SEZ6L: variants seen among roughly 807,000 people sequenced by gnomAD.
SEZ6L encodes the protein seizure 6-like protein.
A neutral mutation model predicts 106.2 loss-of-function variants in SEZ6L; 37 were observed. The ratio of observed to expected loss-of-function variants is 0.35; its 90% CI spans 0.27 to 0.46. The LOEUF is 0.46. Among genes scored for constraint, SEZ6L ranks in the 20% least tolerant of loss-of-function variants. The pLI, the probability that SEZ6L is intolerant of heterozygous loss-of-function variation, is 1.00. For synonymous variants in SEZ6L, 541 were observed against 570.4 expected (o/e 0.95, Z 0.73); for missense variants, 1,172 against 1,332.8 (o/e 0.88, Z 1.88).
At chr22:26,365,337 C>A (rs1210300906) in intron 12 of SEZ6L, 35 bp from the exon 13 acceptor site, 2 of 1,564,614 alleles carry the variant, frequency 1.3e-6, no homozygotes, top group Non-Finnish European at 1.7e-6. Flanking sequence ...AGATTTGCAT[C>A]ATCTCATCAG....
intron 1 of SEZ6L, among the ~76,000 whole-genome samples, chr22:26,191,548 A>G (rs1940211803): frequency 6.6e-6 from 1 of 150,564 alleles, no homozygotes; most frequent in Non-Finnish European, 1.5e-5. Flanking sequence ...GAACACATGG[A>G]CACATGGTGG....
At position 26,287,081 on chromosome 22, in the gene SEZ6L, T is replaced by C. The variant is rs569948303; in HGVS notation, c.95-5325T>C. 5.3e-5 allele frequency among the ~76,000 whole-genome samples: 8 copies of C among 149,990 alleles called. No homozygotes were observed. In the East Asian group the frequency reaches 1.6e-3, roughly 30 times the overall value. ...GCTTTTTTTTTTTTTTTCACTTTAATAGGATGTTCCCAGTCTAATCTCCCA... is the reference window on the plus strand; with the variant it reads ...GCTTTTTTTTTTTTTTTCACTTTAACAGGATGTTCCCAGTCTAATCTCCCA... On this transcript the variant is annotated intron_variant, in intron 1 of 16. Transcript: ENST00000248933.
chr22:26,303,086 A>T (rs189891873), intron 5 of SEZ6L, among the ~76,000 whole-genome samples: 26 of 152,284 alleles, frequency 1.7e-4, no homozygotes, highest in African/African-American at 6.0e-4. Context: ...TAAACATGTG[A>T]CTTGTCTTAG....
intron 1 of SEZ6L, 65 bp from the exon 2 acceptor site, chr22:26,292,341 G>A (rs976765064): frequency 1.0e-5 from 14 of 1,350,910 alleles, no homozygotes; most frequent in Non-Finnish European, 1.4e-5. Flanking sequence ...CACCCTCAGA[G>A]TCTGACAGCA....
chr22:26,345,793 C>T (rs1032293108), intron 10 of SEZ6L, among the ~76,000 whole-genome samples: 1 of 152,212 alleles, frequency 6.6e-6, no homozygotes, highest in Admixed American at 6.5e-5. Flanking sequence ...AATTAGCTTG[C>T]TCCTCCAAAT....
chr22:26,351,650 G>A (rs1242759195), intron 12 of SEZ6L, among the ~76,000 whole-genome samples: 1 of 152,028 alleles, frequency 6.6e-6, no homozygotes, highest in Non-Finnish European at 1.5e-5. Context: ...GGGTTCAAGC[G>A]ATTCTCATGC....
chr22:26,304,377 A>AAAGAAAG (rs1556332114), intron 5 of SEZ6L, among the ~76,000 whole-genome samples: 74 of 75,640 alleles, frequency 9.8e-4, no homozygotes, highest in Admixed American at 3.2e-3. Flanking sequence ...AAGAAGAAAG[A>AAAGAAAG]AAGAAAGAAA....
intron 11 of SEZ6L, among the ~76,000 whole-genome samples, chr22:26,350,731 A>C (rs947316047): frequency 7.0e-6 from 1 of 142,848 alleles, no homozygotes; most frequent in African/African-American, 2.7e-5. Flanking sequence ...ATCTCGGCTC[A>C]CTTCAAGCTC....
chr22:26,320,368 G>A (rs557496418), intron 9 of SEZ6L, among the ~76,000 whole-genome samples: 3 of 152,190 alleles, frequency 2.0e-5, no homozygotes, highest in African/African-American at 7.2e-5. Flanking sequence ...GCCAATAAGG[G>A]GGGGCATCGC....
At chr22:26,373,560 T>C (rs1430274928) in intron 14 of SEZ6L, 77 bp downstream of exon 14, 1 of 1,121,774 alleles carries the variant, frequency 8.9e-7, no homozygotes, top group Non-Finnish European at 1.3e-6. Flanking sequence ...TCTTTGAATA[T>C]CTTTATTTAG....
chr22:26,296,769 C>A (rs1463501333), intron 3 of SEZ6L, 119 bp from the exon 4 acceptor site: 2 of 804,228 alleles, frequency 2.5e-6, no homozygotes, highest in Non-Finnish European at 3.6e-6. Context: ...CCCAGGGGTC[C>A]CGTTGACCAG....
At chr22:26,225,910 G>C (rs1209181575) in intron 1 of SEZ6L, among the ~76,000 whole-genome samples, 1 of 152,198 alleles carries the variant, frequency 6.6e-6, no homozygotes, top group African/African-American at 2.4e-5. Flanking sequence ...CTGGCTTAGT[G>C]AACGATATCA....
chr22:26,251,127 A>G (rs1395467195), intron 1 of SEZ6L, among the ~76,000 whole-genome samples: 4 of 152,074 alleles, frequency 2.6e-5, no homozygotes, highest in South Asian at 2.1e-4. Flanking sequence ...TCCACTTTGG[A>G]TGTTCTTTCT....
At chr22:26,321,768 C>T (rs2082161549) in intron 9 of SEZ6L, among the ~76,000 whole-genome samples, 2 of 152,246 alleles carry the variant, frequency 1.3e-5, no homozygotes, top group Admixed American at 1.3e-4. Context: ...TTTTTCACAT[C>T]GACGATGGGG....
chr22:26,317,976 T>A (rs1336809926), intron 9 of SEZ6L, among the ~76,000 whole-genome samples: 2 of 152,124 alleles, frequency 1.3e-5, no homozygotes, highest in Non-Finnish European at 2.9e-5. Flanking sequence ...TTAGAGCTGT[T>A]GTGAGATTAT....
At chr22:26,247,417 G>A (rs765378560) in intron 1 of SEZ6L, among the ~76,000 whole-genome samples, 4 of 152,118 alleles carry the variant, frequency 2.6e-5, no homozygotes, top group Admixed American at 1.3e-4. Context: ...CGTCAGATGG[G>A]GTCATATTGG....
intron 9 of SEZ6L, among the ~76,000 whole-genome samples, chr22:26,316,060 A>C (rs901256438): frequency 6.6e-6 from 1 of 152,128 alleles, no homozygotes; most frequent in Non-Finnish European, 1.5e-5. Flanking sequence ...CTCAAAAAAA[A>C]ATAAAAATTC....
At chr22:26,251,483 G>A (rs1165791810) in intron 1 of SEZ6L, among the ~76,000 whole-genome samples, 2 of 152,214 alleles carry the variant, frequency 1.3e-5, no homozygotes, top group African/African-American at 4.8e-5. Context: ...TAAAGCATCA[G>A]CAAGTGCTGC....
intron 1 of SEZ6L, among the ~76,000 whole-genome samples, chr22:26,257,518 T>C (rs944522892): frequency 2.0e-5 from 3 of 152,204 alleles, no homozygotes; most frequent in African/African-American, 7.2e-5. Flanking sequence ...AAGAATGTAA[T>C]GGCAGACCAG....
Sources: gnomAD v4.1 joint callset for allele counts (sites outside exome capture counted in the v4.1 genomes callset) on GRCh38, gnomAD v4.1.1 for gene constraint, MANE v1.5 for transcripts, NCBI Gene and HGNC (gene_info 2026-07-23, HGNC 2026-07-21) for gene names.